The following CHD9 variants were observed in gnomAD, a reference collection of about 807,000 sequenced individuals.
CHD9 encodes the protein ATP-dependent chromatin remodeler CHD9.
CHD9 carries 77 observed loss-of-function variants against 316.1 expected under a neutral mutation model. The ratio of observed to expected loss-of-function variants is 0.24; its 90% CI spans 0.20 to 0.29. The LOEUF (loss-of-function observed/expected upper bound fraction) is 0.29, where lower values mean the gene tolerates loss of function less well. Ranked by LOEUF, CHD9 falls within the 10% of genes least tolerant of loss-of-function variation. CHD9 has a pLI of 1.00. For missense variants in CHD9, 2,763 were observed against 3,438.1 expected (o/e 0.80, Z 4.91); for synonymous variants, 1,129 against 1,158.3 (o/e 0.97, Z 0.51).
intron 2 of CHD9, among the ~76,000 whole-genome samples, chr16:53,164,577 TCAAAAAA>T (rs1392641764): frequency 6.6e-6 from 1 of 151,046 alleles, no homozygotes; most frequent in African/African-American, 2.4e-5. Context: ...AGGCCCTGTC[TCAAAAAA>T]CAAAAAACAA....
At chr16:53,198,421 G>A (rs8062228) in intron 2 of CHD9, among the ~76,000 whole-genome samples, 41,941 of 150,112 alleles carry the variant, frequency 0.28, 5,921 homozygotes, top group Middle Eastern at 0.32. Flanking sequence ...CCGCCTCCCG[G>A]GTTCAAGCGA....
chr16:53,323,886 A>G, intron 38 of CHD9, 134 bp from the exon 39 acceptor site: 2 of 723,918 alleles, frequency 2.8e-6, no homozygotes, highest in Non-Finnish European at 4.5e-6. Flanking sequence ...TGCTATTATA[A>G]TTGATTATTT....
At chr16:53,067,075 T>C (rs993596344) in intron 1 of CHD9, among the ~76,000 whole-genome samples, 4 of 152,202 alleles carry the variant, frequency 2.6e-5, no homozygotes, top group African/African-American at 9.7e-5. Flanking sequence ...CCCAAGTAGC[T>C]GGGACTACAG....
In CHD9 at chr16:53,245,998, A is replaced by G. The variant is rs1158484657; in HGVS notation, c.3454+148A>G. 7.4e-6 allele frequency: 4 copies of G among 543,754 alleles called. No homozygotes were observed. Among genetic ancestry groups the G allele is most frequent in the South Asian group, 4.8e-5 (1 of 20,684 alleles). The allele number at this position is 543,754 out of a possible 1,614,324, so 33.7% of individuals were successfully genotyped here. The stretch of plus-strand genomic sequence containing the variant: ...TACAAGTGTTACAGAATCAGAGGCA[A>G]TGTGAACTGCTTTGTTACAGTGACT... On this transcript the variant is annotated intron_variant, in intron 15 of 38. Transcript: ENST00000447540. The surrounding 1 kb of genome is among the most constrained non-coding windows in gnomAD (Gnocchi z 4.1).
At chr16:53,062,719 C>A (rs2033046894) in intron 1 of CHD9, among the ~76,000 whole-genome samples, 1 of 151,926 alleles carries the variant, frequency 6.6e-6, no homozygotes, top group Non-Finnish European at 1.5e-5. Context: ...TCCAGGAAGA[C>A]CCCAATTATT....
At chr16:53,296,301 G>A (rs1282805038) in intron 29 of CHD9, among the ~76,000 whole-genome samples, 1 of 152,002 alleles carries the variant, frequency 6.6e-6, no homozygotes, top group Non-Finnish European at 1.5e-5. Flanking sequence ...TTTGTATCCT[G>A]TGCTGATTTT....
At chr16:53,089,065 T>C (rs2035714698) in intron 1 of CHD9, among the ~76,000 whole-genome samples, 1 of 151,916 alleles carries the variant, frequency 6.6e-6, no homozygotes, top group South Asian at 2.1e-4. Context: ...TGAGCCGAGA[T>C]CGTGCCACTG....
intron 1 of CHD9, among the ~76,000 whole-genome samples, chr16:53,058,677 G>T (rs1320026926): frequency 6.6e-6 from 1 of 152,108 alleles, no homozygotes; most frequent in Non-Finnish European, 1.5e-5. Context: ...GGTAATCCTG[G>T]CAGGTTGGAC....
At chr16:53,130,776 G>C (rs1418580834) in intron 1 of CHD9, 1 of 151,862 alleles carries the variant, frequency 6.6e-6, no homozygotes, top group Non-Finnish European at 1.5e-5. Flanking sequence ...CGAAGGGGAC[G>C]CTCCCTCTTA....
At chr16:53,109,840 A>C (rs1467008468) in intron 1 of CHD9, among the ~76,000 whole-genome samples, 1 of 149,580 alleles carries the variant, frequency 6.7e-6, no homozygotes, top group African/African-American at 2.5e-5. Flanking sequence ...GCCCGCCACC[A>C]CGCCCGGCTA....
At chr16:53,091,504 C>T (rs969107237) in intron 1 of CHD9, among the ~76,000 whole-genome samples, 1 of 152,216 alleles carries the variant, frequency 6.6e-6, no homozygotes, top group African/African-American at 2.4e-5. Flanking sequence ...TGGGTGTACT[C>T]ACAGGGAGGA....
At chr16:53,296,708 G>A (rs1181964657) in intron 29 of CHD9, among the ~76,000 whole-genome samples, 4 of 152,086 alleles carry the variant, frequency 2.6e-5, no homozygotes, top group African/African-American at 9.6e-5. Flanking sequence ...GCCTCCCAAA[G>A]TGCTGGGATT....
At chr16:53,317,624 C>T (rs1393369624) in intron 36 of CHD9, among the ~76,000 whole-genome samples, 1 of 152,110 alleles carries the variant, frequency 6.6e-6, no homozygotes, top group African/African-American at 2.4e-5. Flanking sequence ...CCAACAAATA[C>T]CTGGGACTGT....
At chr16:53,124,445 C>T (rs1195748203) in intron 1 of CHD9, among the ~76,000 whole-genome samples, 3 of 150,468 alleles carry the variant, frequency 2.0e-5, no homozygotes, top group African/African-American at 7.4e-5. Context: ...CTTTATAAAA[C>T]CATCAGATCT....
At chr16:53,131,663 C>T (rs1333434752) in intron 1 of CHD9, among the ~76,000 whole-genome samples, 18 of 151,924 alleles carry the variant, frequency 1.2e-4, no homozygotes, top group Admixed American at 1.2e-3. Flanking sequence ...GGGCCTCCCC[C>T]GGGTTGGGTT....
chr16:53,167,910 A>C (rs2042384387), intron 2 of CHD9, among the ~76,000 whole-genome samples: 1 of 152,090 alleles, frequency 6.6e-6, no homozygotes, highest in Admixed American at 6.5e-5. Context: ...TATTCTTAGA[A>C]GATTGTATTG....
chr16:53,219,585 A>T (rs2047067992), intron 3 of CHD9, among the ~76,000 whole-genome samples: 1 of 152,188 alleles, frequency 6.6e-6, no homozygotes, highest in South Asian at 2.1e-4. Context: ...CAGGGAGCCA[A>T]GAAAGGGGCC....
At position 53,321,642 on chromosome 16, in the gene CHD9, A is replaced by G. The variant is rs751000482; in HGVS notation, c.7818+12A>G. Reference sequence around the variant, plus strand: ...TTGTTAAGCAATCTGTGAGTATTTTACGAATACTAACTCATACATTATTTT... The same window carrying G: ...TTGTTAAGCAATCTGTGAGTATTTTGCGAATACTAACTCATACATTATTTT... On this transcript the variant is annotated intron_variant, in intron 38 of 38. Coordinates refer to ENST00000447540, the MANE Select transcript of CHD9 (RefSeq NM_001308319.2). 3 of 1,360,346 alleles carry G rather than the reference A, an allele frequency of 2.2e-6. No homozygotes were observed. In the South Asian group the frequency reaches 4.4e-5, roughly 20 times the overall value. 84.3% of individuals were successfully genotyped at this position (1,360,346 alleles called of 1,614,324 possible). A position where few individuals can be genotyped will look rare whatever the true frequency, so the allele number is the denominator to read the frequency against.
chr16:53,318,419 G>T, intron 37 of CHD9, 79 bp downstream of exon 37: 1 of 1,115,232 alleles, frequency 9.0e-7, no homozygotes, highest in Non-Finnish European at 1.2e-6. Context: ...TCATTATGTG[G>T]TGGTGTTTTC....
Sources: gnomAD v4.1 joint callset for allele counts (sites outside exome capture counted in the v4.1 genomes callset) on GRCh38, gnomAD v4.1.1 for gene constraint, Gnocchi (gnomAD v3.1) non-coding constraint, MANE v1.5 for transcripts, NCBI Gene and HGNC (gene_info 2026-07-23, HGNC 2026-07-21) for gene names.